Variants in LRRTM4 observed in about 807,000 individuals in gnomAD.
LRRTM4 encodes leucine-rich repeat transmembrane neuronal protein 4.
In LRRTM4, 25 loss-of-function variants were observed where a neutral mutation model predicts 47.6. The ratio of observed to expected loss-of-function variants is 0.53; its 90% CI spans 0.38 to 0.73. LRRTM4 has a LOEUF of 0.73. LRRTM4 is among the 30% of genes least tolerant of loss of function. The probability of loss-of-function intolerance (pLI) is 0.00; values close to 1 mark genes in which losing one functional copy is unlikely to be tolerated. For missense variants in LRRTM4, 638 were observed against 713.4 expected (o/e 0.89, Z 1.20); for synonymous variants, 311 against 269.5 (o/e 1.15, Z -1.51).
intron 3 of LRRTM4, among the ~76,000 whole-genome samples, chr2:77,335,411 C>G (rs1671127847): frequency 6.6e-6 from 1 of 152,130 alleles, no homozygotes; most frequent in Non-Finnish European, 1.5e-5. Flanking sequence ...GCTCCTGACT[C>G]AGGACTTTTG....
chr2:76,772,073 G>C (rs1248348817), intron 3 of LRRTM4, among the ~76,000 whole-genome samples: 1 of 152,164 alleles, frequency 6.6e-6, no homozygotes, highest in African/African-American at 2.4e-5. Context: ...TGTTGAGATC[G>C]TAACACCCAA....
intron 3 of LRRTM4, among the ~76,000 whole-genome samples, chr2:77,169,114 T>C (rs1420100097): frequency 2.0e-5 from 3 of 152,246 alleles, no homozygotes; most frequent in Admixed American, 6.6e-5. Context: ...AATCCGCAGC[T>C]AAAATATTAA....
intron 3 of LRRTM4, among the ~76,000 whole-genome samples, chr2:77,481,846 T>C (rs974164325): frequency 1.3e-5 from 2 of 150,898 alleles, no homozygotes; most frequent in African/African-American, 4.9e-5. Context: ...TACTACAGAC[T>C]AACATAAAAA....
chr2:77,054,832 AG>A (rs1679549568), intron 3 of LRRTM4, among the ~76,000 whole-genome samples: 1 of 152,230 alleles, frequency 6.6e-6, no homozygotes, highest in South Asian at 2.1e-4. Context: ...AGCAGGCATC[AG>A]TGACTGGAAA....
At chr2:77,417,772 A>G (rs573838720) in intron 3 of LRRTM4, among the ~76,000 whole-genome samples, 3 of 144,770 alleles carry the variant, frequency 2.1e-5, no homozygotes, top group African/African-American at 2.7e-5. Context: ...GTTGGGGGGG[A>G]AGGGGGGAGG....
intron 3 of LRRTM4, among the ~76,000 whole-genome samples, chr2:76,891,079 G>C (rs577620862): frequency 2.0e-5 from 3 of 151,912 alleles, no homozygotes; most frequent in East Asian, 3.9e-4. Context: ...TTCAGAAAAA[G>C]AGGAAGAATG....
At chr2:77,094,907 C>A (rs1047008195) in intron 3 of LRRTM4, among the ~76,000 whole-genome samples, 4 of 151,966 alleles carry the variant, frequency 2.6e-5, no homozygotes, top group African/African-American at 4.8e-5. Context: ...AAAGCACAAG[C>A]AACAAAAGCA....
intron 3 of LRRTM4, among the ~76,000 whole-genome samples, chr2:77,309,716 TAG>T (rs1186209166): frequency 1.3e-5 from 2 of 151,802 alleles, no homozygotes; most frequent in Non-Finnish European, 2.9e-5. Flanking sequence ...GATAGATAGA[TAG>T]ATAGATAGAT....
intron 3 of LRRTM4, among the ~76,000 whole-genome samples, chr2:76,781,279 A>G (rs1287258417): frequency 2.0e-5 from 3 of 152,342 alleles, no homozygotes; most frequent in Non-Finnish European, 2.9e-5. Context: ...GGTGGGCTCC[A>G]CCCAGTTCGA....
At chr2:77,310,844 T>C (rs1312873121) in intron 3 of LRRTM4, among the ~76,000 whole-genome samples, 1 of 152,114 alleles carries the variant, frequency 6.6e-6, no homozygotes, top group African/African-American at 2.4e-5. Context: ...TTCTGTGATG[T>C]CATATACACA....
rs1433777811 is a variant in LRRTM4, at chr2:77,070,620, TTTTG to T, written c.1552-321708_1552-321705del. On this transcript the variant is annotated intron_variant, in intron 3 of 3. Transcript: ENST00000409884. ...TAACATTAGGTTATAAAGTTGATTT[TTTTG>T]TTTGTTTGCTTCTTTGTTGTTTTGA... Among the ~76,000 whole-genome samples the T allele has an allele frequency of 9.2e-5, 14 of 152,260 alleles. 2 individuals carry two copies. The South Asian group carries it at 2.7e-3, about 29-fold the overall frequency.
chr2:77,159,937 G>T (rs1672666243), intron 3 of LRRTM4, among the ~76,000 whole-genome samples: 1 of 152,164 alleles, frequency 6.6e-6, no homozygotes, highest in Non-Finnish European at 1.5e-5. Flanking sequence ...TTCAGATTGT[G>T]TAATGTCAAT....
chr2:77,139,207 T>C (rs765095819), intron 3 of LRRTM4, among the ~76,000 whole-genome samples: 7 of 152,150 alleles, frequency 4.6e-5, no homozygotes, highest in Non-Finnish European at 1.0e-4. Flanking sequence ...CTGATGAACA[T>C]TGATGCAAAA....
chr2:77,418,945 G>T (rs1384317057), intron 3 of LRRTM4, among the ~76,000 whole-genome samples: 1 of 151,990 alleles, frequency 6.6e-6, no homozygotes, highest in African/African-American at 2.4e-5. Context: ...CTTTCAAGGT[G>T]GTCCTAGGAT....
intron 3 of LRRTM4, among the ~76,000 whole-genome samples, chr2:76,965,433 A>C (rs565611914): frequency 6.6e-6 from 1 of 151,132 alleles, no homozygotes; most frequent in Non-Finnish European, 1.5e-5. Context: ...CCATATCAAC[A>C]GGGTAAAAAA....
intron 3 of LRRTM4, among the ~76,000 whole-genome samples, chr2:77,308,896 T>C (rs760908851): frequency 6.6e-6 from 1 of 152,060 alleles, no homozygotes. Flanking sequence ...CTCTGTAGAA[T>C]ACACAAACCA....
chr2:77,025,703 G>A (rs1264426089), intron 3 of LRRTM4, among the ~76,000 whole-genome samples: 1 of 152,130 alleles, frequency 6.6e-6, no homozygotes, highest in Non-Finnish European at 1.5e-5. Context: ...GAATATTTCT[G>A]GAGCCTCAAG....
At chr2:76,759,691 C>T (rs997820229) in intron 3 of LRRTM4, among the ~76,000 whole-genome samples, 3 of 152,114 alleles carry the variant, frequency 2.0e-5, no homozygotes, top group South Asian at 2.1e-4. Context: ...CTCAATTTCA[C>T]CAAGCCTTTT....
intron 3 of LRRTM4, among the ~76,000 whole-genome samples, chr2:77,085,121 T>C (rs1308275576): frequency 6.6e-6 from 1 of 152,142 alleles, no homozygotes; most frequent in Non-Finnish European, 1.5e-5. Flanking sequence ...ATGTGTTAAA[T>C]GGGCTAGTTT....
Sources: gnomAD v4.1 joint callset for allele counts (sites outside exome capture counted in the v4.1 genomes callset) on GRCh38, gnomAD v4.1.1 for gene constraint, MANE v1.5 for transcripts, NCBI Gene and HGNC (gene_info 2026-07-23, HGNC 2026-07-21) for gene names.